The following STAG1 variants were observed in gnomAD, a reference collection of about 807,000 sequenced individuals.
STAG1 encodes the protein STAG1 cohesin complex component, also known as cohesin subunit SA-1.
In STAG1, 26 loss-of-function variants were observed where a neutral mutation model predicts 170.9. The observed-to-expected ratio is 0.15, with a 90% CI of 0.11 to 0.21. The LOEUF is 0.21. Ranked by LOEUF, STAG1 falls within the 10% of genes least tolerant of loss-of-function variation. The pLI is 1.00. For missense variants in STAG1, 964 were observed against 1,509.5 expected, an observed-to-expected ratio of 0.64 and a Z score of 5.99; for synonymous variants, 514 against 497.7, an observed-to-expected ratio of 1.03 and a Z score of -0.44.
At chr3:136,483,979 T>C (rs1681170148) in intron 9 of STAG1, among the ~76,000 whole-genome samples, 1 of 33,176 alleles carries the variant, frequency 3.0e-5, no homozygotes, top group Non-Finnish European at 6.1e-5. Context: ...TATACATTCT[T>C]CTAAATTTTT....
chr3:136,342,543 G>A (rs370591634), intron 30 of STAG1, among the ~76,000 whole-genome samples: 15 of 151,966 alleles, frequency 9.9e-5, no homozygotes, highest in Admixed American at 5.9e-4. Flanking sequence ...GTGCAGTGGC[G>A]CGATTTTGGC....
At chr3:136,577,248 A>C (rs1457902414) in intron 4 of STAG1, among the ~76,000 whole-genome samples, 1 of 152,236 alleles carries the variant, frequency 6.6e-6, no homozygotes, top group Admixed American at 6.5e-5. Context: ...TAATTTGAGA[A>C]CCAGAGAACT....
intron 1 of STAG1, among the ~76,000 whole-genome samples, chr3:136,720,793 AAAAAAG>A (rs753869966): frequency 1.7e-4 from 26 of 152,200 alleles, no homozygotes; most frequent in Admixed American, 4.6e-4. Flanking sequence ...CATCTCAAAA[AAAAAAG>A]AAAAAGAAAA....
intron 2 of STAG1, among the ~76,000 whole-genome samples, chr3:136,623,976 C>A (rs1270521799): frequency 6.6e-6 from 1 of 152,008 alleles, no homozygotes; most frequent in Non-Finnish European, 1.5e-5. Context: ...ACAAAAAAGA[C>A]ATAAAGGATA....
At chr3:136,573,510 A>C (rs1204646402) in intron 4 of STAG1, among the ~76,000 whole-genome samples, 1 of 152,226 alleles carries the variant, frequency 6.6e-6, no homozygotes, top group Non-Finnish European at 1.5e-5. Context: ...TAATACAGTA[A>C]CATATTTAAT....
chr3:136,740,925 T>C (rs934245927), intron 1 of STAG1, among the ~76,000 whole-genome samples: 5 of 152,172 alleles, frequency 3.3e-5, no homozygotes, highest in African/African-American at 1.2e-4. Context: ...GTTGTAGCCA[T>C]GTAAGAAACA....
intron 15 of STAG1, among the ~76,000 whole-genome samples, chr3:136,434,531 A>G (rs1029518717): frequency 6.6e-6 from 1 of 152,088 alleles, no homozygotes; most frequent in Non-Finnish European, 1.5e-5. Context: ...TTTCTTATCA[A>G]TCTGAGAACT....
chr3:136,344,058 G>GT, intron 29 of STAG1, 52 bp from the exon 30 acceptor site: 1 of 1,403,386 alleles, frequency 7.1e-7, no homozygotes, highest in East Asian at 2.5e-5. Context: ...GTGAACTCTG[G>GT]TAGCAGTCAT....
chr3:136,496,895 G>A (rs1349317165), intron 9 of STAG1, among the ~76,000 whole-genome samples: 3 of 151,514 alleles, frequency 2.0e-5, no homozygotes, highest in African/African-American at 7.3e-5. Flanking sequence ...CGGGAAGGAA[G>A]CAGGGGGAAA....
intron 9 of STAG1, among the ~76,000 whole-genome samples, chr3:136,498,249 T>TAC (rs71157389): frequency 0.01 from 758 of 73,636 alleles, 31 homozygotes; most frequent in African/African-American, 0.013. Context: ...TACATATACA[T>TAC]ACACACACAC....
chr3:136,470,266 A>G (rs1294113099), intron 12 of STAG1, among the ~76,000 whole-genome samples: 3 of 152,236 alleles, frequency 2.0e-5, no homozygotes, highest in South Asian at 2.1e-4. Context: ...CAGAATTTAC[A>G]AAGAACTCAA....
At chr3:136,614,850 T>C (rs1161968269) in intron 3 of STAG1, among the ~76,000 whole-genome samples, 1 of 152,192 alleles carries the variant, frequency 6.6e-6, no homozygotes, top group Non-Finnish European at 1.5e-5. Flanking sequence ...GAGCTGTGAA[T>C]GTGAAATAAT....
chr3:136,376,259 A>G (rs979387440), intron 23 of STAG1, among the ~76,000 whole-genome samples: 9 of 152,138 alleles, frequency 5.9e-5, no homozygotes, highest in African/African-American at 1.2e-4. Flanking sequence ...CAATATCAAA[A>G]TAAGAAATAG....
intron 22 of STAG1, among the ~76,000 whole-genome samples, chr3:136,394,169 G>T (rs370243971): frequency 3.9e-5 from 6 of 152,276 alleles, no homozygotes; most frequent in African/African-American, 1.4e-4. Flanking sequence ...GCTTCCCAAA[G>T]TGCTGGAATT....
At chr3:136,620,463 T>C (rs751984219) in intron 3 of STAG1, among the ~76,000 whole-genome samples, 1 of 152,252 alleles carries the variant, frequency 6.6e-6, no homozygotes, top group Non-Finnish European at 1.5e-5. Flanking sequence ...GGAGTTATCA[T>C]ATAAATTCAA....
chr3:136,592,976 A>G (rs1307998644), intron 4 of STAG1, among the ~76,000 whole-genome samples: 1 of 152,194 alleles, frequency 6.6e-6, no homozygotes, highest in Admixed American at 6.5e-5. Flanking sequence ...ATAATTTGTG[A>G]CAAGGGTGTT....
intron 4 of STAG1, chr3:136,586,853 G>C: frequency 2.2e-6 from 1 of 456,636 alleles, no homozygotes; most frequent in Non-Finnish European, 4.4e-6. Context: ...GGGGCCAAAG[G>C]CTTCTAAGAA....
At chr3:136,593,237 G>C (rs1437820005) in intron 4 of STAG1, among the ~76,000 whole-genome samples, 3 of 152,122 alleles carry the variant, frequency 2.0e-5, no homozygotes, top group Non-Finnish European at 4.4e-5. Context: ...CAGTGCGTGG[G>C]ACCAGGCTGG....
intron 5 of STAG1, among the ~76,000 whole-genome samples, chr3:136,558,542 C>T (rs1936714493): frequency 6.6e-6 from 1 of 152,130 alleles, no homozygotes; most frequent in African/African-American, 2.4e-5. Context: ...CTCAATAGTA[C>T]TCAAAGAAAT....
Sources: allele counts gnomAD v4.1 joint callset (sites outside exome capture counted in the v4.1 genomes callset), GRCh38; gene constraint gnomAD v4.1.1; transcripts MANE v1.5; gene names NCBI Gene and HGNC (gene_info 2026-07-23, HGNC 2026-07-21).